The following KATNBL1 variants were observed in gnomAD, a reference collection of about 807,000 sequenced individuals.
The protein encoded by KATNBL1 is katanin regulatory subunit B1 like 1, also known as KATNB1-like protein 1.
In KATNBL1, 28 loss-of-function variants were observed where a neutral mutation model predicts 44.7. The ratio of observed to expected loss-of-function variants is 0.63; its 90% CI spans 0.46 to 0.86. The LOEUF (loss-of-function observed/expected upper bound fraction) is 0.86, where lower values mean the gene tolerates loss of function less well. KATNBL1 is among the 40% of genes least tolerant of loss of function. The pLI is 0.00. For synonymous variants in KATNBL1, 78 were observed against 114.9 expected (o/e 0.68, Z 2.06); for missense variants, 272 against 350.7 (o/e 0.78, Z 1.79).
chr15:34,207,747 C>G (rs148908834), intron 1 of KATNBL1, among the ~76,000 whole-genome samples: 1 of 152,306 alleles, frequency 6.6e-6, no homozygotes, highest in Non-Finnish European at 1.5e-5. Flanking sequence ...ACTACAGACA[C>G]ATGCCACCAT....
At chr15:34,194,445 T>C (rs1889977954) in intron 1 of KATNBL1, among the ~76,000 whole-genome samples, 1 of 151,816 alleles carries the variant, frequency 6.6e-6, no homozygotes, top group Non-Finnish European at 1.5e-5. Flanking sequence ...CCTGTCTCTA[T>C]AAAAAATAAG....
intron 9 of KATNBL1, among the ~76,000 whole-genome samples, chr15:34,144,809 T>C (rs1420292954): frequency 6.6e-6 from 1 of 152,176 alleles, no homozygotes; most frequent in African/African-American, 2.4e-5. Flanking sequence ...TCAGGTGATC[T>C]GCTTGCCTTG....
intron 1 of KATNBL1, 43 bp from the exon 2 acceptor site, chr15:34,163,733 G>A (rs1299423370): frequency 2.6e-6 from 3 of 1,149,444 alleles, no homozygotes; most frequent in Admixed American, 5.2e-5. Context: ...AGCAAAAAGA[G>A]TCTGATCATT....
rs146813634 is a variant in KATNBL1 at position 34,147,332 on chromosome 15, T to C, written c.609-43A>G. On this transcript the variant is annotated intron_variant, in intron 6 of 9. Coordinates refer to ENST00000256544, the MANE Select transcript of KATNBL1 (RefSeq NM_024713.3). ...TTATAAAAATATGGATGGGCCATAATTTGACCTCCTTTAATCTTATTTTTT... is the reference window on the plus strand; with the variant it reads ...TTATAAAAATATGGATGGGCCATAACTTGACCTCCTTTAATCTTATTTTTT... The C allele has an allele frequency of 3.3e-3, 5,295 of 1,597,390 alleles. 13 individuals carry two copies. The highest frequency in any genetic ancestry group is 0.013 in the Middle Eastern group (77 of 6,020).
chr15:34,170,803 T>A (rs1227954816), intron 1 of KATNBL1, among the ~76,000 whole-genome samples: 1 of 152,178 alleles, frequency 6.6e-6, no homozygotes, highest in Non-Finnish European at 1.5e-5. Context: ...AACCATCTGA[T>A]CTTTGACAAA....
At chr15:34,199,230 G>A (rs1890104034) in intron 1 of KATNBL1, among the ~76,000 whole-genome samples, 1 of 152,084 alleles carries the variant, frequency 6.6e-6, no homozygotes, top group Admixed American at 6.5e-5. Flanking sequence ...CGAGGTCAGG[G>A]GTTTGAGACC....
chr15:34,171,172 T>C (rs1437510824), intron 1 of KATNBL1, among the ~76,000 whole-genome samples: 1 of 152,160 alleles, frequency 6.6e-6, no homozygotes, highest in Non-Finnish European at 1.5e-5. Context: ...GAGAAAATTT[T>C]TGCAATCTAC....
At chr15:34,208,338 T>C (rs558688972) in intron 1 of KATNBL1, among the ~76,000 whole-genome samples, 1 of 152,370 alleles carries the variant, frequency 6.6e-6, no homozygotes, top group African/African-American at 2.4e-5. Flanking sequence ...TACCACCCTG[T>C]TGGGCATACA....
At chr15:34,175,908 C>T (rs1313834135) in intron 1 of KATNBL1, among the ~76,000 whole-genome samples, 1 of 152,090 alleles carries the variant, frequency 6.6e-6, no homozygotes, top group African/African-American at 2.4e-5. Flanking sequence ...AACTCTACTC[C>T]TACATAAAAA....
At chr15:34,147,592 G>A (rs1041536861) in intron 5 of KATNBL1, among the ~76,000 whole-genome samples, 162 bp from the exon 6 acceptor site, 6 of 150,548 alleles carry the variant, frequency 4.0e-5, no homozygotes, top group African/African-American at 9.8e-5. Flanking sequence ...AAGACACAGG[G>A]CTTGTATTCC....
At chr15:34,149,715 C>T (rs1435589511) in intron 4 of KATNBL1, among the ~76,000 whole-genome samples, 4 of 152,316 alleles carry the variant, frequency 2.6e-5, no homozygotes, top group Admixed American at 2.6e-4. Context: ...TGAGCCGCCA[C>T]ACCAAGCCCA....
At chr15:34,159,849 C>CT (rs1473416357) in intron 2 of KATNBL1, among the ~76,000 whole-genome samples, 1 of 152,178 alleles carries the variant, frequency 6.6e-6, no homozygotes, top group African/African-American at 2.4e-5. Context: ...TGTGTCTCCT[C>CT]TAAGAGTTTT....
intron 3 of KATNBL1, among the ~76,000 whole-genome samples, chr15:34,153,849 G>A (rs1335568342): frequency 6.6e-6 from 1 of 152,162 alleles, no homozygotes; most frequent in Non-Finnish European, 1.5e-5. Flanking sequence ...GAATACAGGT[G>A]TGAGCCATGG....
intron 1 of KATNBL1, among the ~76,000 whole-genome samples, chr15:34,182,863 A>G (rs999162552): frequency 6.6e-6 from 1 of 152,202 alleles, no homozygotes; most frequent in East Asian, 1.9e-4. Flanking sequence ...ACTAAAAAGG[A>G]TAAGAGGAAA....
intron 1 of KATNBL1, among the ~76,000 whole-genome samples, chr15:34,170,883 T>C (rs142707751): frequency 6.6e-6 from 1 of 152,222 alleles, no homozygotes; most frequent in Non-Finnish European, 1.5e-5. Flanking sequence ...GCTAGCCATA[T>C]GTAGAAAGCT....
chr15:34,192,808 T>A (rs1889914295), intron 1 of KATNBL1, among the ~76,000 whole-genome samples: 1 of 152,238 alleles, frequency 6.6e-6, no homozygotes, highest in East Asian at 1.9e-4. Context: ...CCCCCAGCAA[T>A]CACTGAATGC....
Position 34,171,247 on chromosome 15 carries a change from C to A in KATNBL1, c.-14-7557G>T, listed in dbSNP as rs548873230. On this transcript the variant is annotated intron_variant, in intron 1 of 9. Transcript: ENST00000256544. ...CTTAAACAAATTGTCAAGAAAAAAA[C>A]AAACAACCCAATCAAAACGTGGGCA... 7.9e-5 allele frequency among the ~76,000 whole-genome samples: 12 copies of A among 152,148 alleles called. No homozygotes were observed. In the East Asian group the frequency reaches 1.9e-3, roughly 24 times the overall value.
intron 1 of KATNBL1, among the ~76,000 whole-genome samples, chr15:34,175,142 A>T (rs1457196177): frequency 2.0e-5 from 3 of 151,932 alleles, no homozygotes; most frequent in Non-Finnish European, 4.4e-5. Context: ...ACACACACAC[A>T]CACACACACA....
At chr15:34,146,626 G>A (rs1888318719) in intron 8 of KATNBL1, 135 bp downstream of exon 8, 1 of 615,382 alleles carries the variant, frequency 1.6e-6, no homozygotes, top group Admixed American at 2.8e-5. Context: ...AGTCTCTTAA[G>A]TTAGTATCTC....
Sources: gnomAD v4.1 joint callset for allele counts (sites outside exome capture counted in the v4.1 genomes callset) on GRCh38, gnomAD v4.1.1 for gene constraint, MANE v1.5 for transcripts, NCBI Gene and HGNC (gene_info 2026-07-23, HGNC 2026-07-21) for gene names.